Variants in EPHA6 observed in about 807,000 individuals in gnomAD.
EPHA6 encodes ephrin type-A receptor 6.
In EPHA6, 50 loss-of-function variants were observed where a neutral mutation model predicts 112.0. The observed-to-expected ratio is 0.45, with a 90% confidence interval of 0.36 to 0.56. The LOEUF (loss-of-function observed/expected upper bound fraction) is 0.56. Ranked by LOEUF, EPHA6 falls within the 20% of genes least tolerant of loss-of-function variation. The probability of loss-of-function intolerance (pLI) is 0.00; values close to 1 mark genes in which losing one functional copy is unlikely to be tolerated. For missense variants in EPHA6, 1,280 were observed against 1,417.4 expected (o/e 0.90, Z 1.56); for synonymous variants, 529 against 490.7 (o/e 1.08, Z -1.03).
chr3:97,169,589 A>G (rs985214776), intron 3 of EPHA6, among the ~76,000 whole-genome samples: 11 of 151,996 alleles, frequency 7.2e-5, no homozygotes, highest in African/African-American at 2.4e-4. Context: ...TCATTTTCTG[A>G]TATGTCTTCC....
intron 5 of EPHA6, among the ~76,000 whole-genome samples, chr3:97,386,760 C>T (rs184676972): frequency 6.6e-6 from 1 of 152,328 alleles, no homozygotes; most frequent in African/African-American, 2.4e-5. Context: ...CCAACATTTG[C>T]CCTTTGCACT....
chr3:97,007,865 T>C (rs1468948202), intron 3 of EPHA6, among the ~76,000 whole-genome samples: 1 of 152,180 alleles, frequency 6.6e-6, no homozygotes, highest in Non-Finnish European at 1.5e-5. Flanking sequence ...CTTAAGAAAC[T>C]TAGTTTGGCT....
intron 3 of EPHA6, among the ~76,000 whole-genome samples, chr3:97,114,988 T>A (rs771829262): frequency 6.6e-6 from 1 of 151,970 alleles, no homozygotes; most frequent in Non-Finnish European, 1.5e-5. Flanking sequence ...AGATCCTAGA[T>A]AGACAAGCCT....
intron 15 of EPHA6, among the ~76,000 whole-genome samples, chr3:97,726,356 A>G (rs2034767442): frequency 6.6e-6 from 1 of 152,144 alleles, no homozygotes; most frequent in Non-Finnish European, 1.5e-5. Context: ...TTAATTATGC[A>G]TGCTCCTCTA....
At chr3:96,823,054 GAT>G (rs1279295149) in intron 1 of EPHA6, among the ~76,000 whole-genome samples, 2 of 151,614 alleles carry the variant, frequency 1.3e-5, no homozygotes, top group Non-Finnish European at 3.0e-5. Context: ...AAGAAAAATT[GAT>G]ATGATTGCCC....
At chr3:97,214,683 T>C (rs767473018) in intron 3 of EPHA6, among the ~76,000 whole-genome samples, 1 of 152,112 alleles carries the variant, frequency 6.6e-6, no homozygotes, top group Non-Finnish European at 1.5e-5. Context: ...TCAAAACATA[T>C]TTCAGAAATG....
intron 14 of EPHA6, among the ~76,000 whole-genome samples, chr3:97,672,890 T>C (rs2030990980): frequency 6.6e-6 from 1 of 152,226 alleles, no homozygotes; most frequent in Admixed American, 6.5e-5. Context: ...GTTTTTCATA[T>C]TGAAATCTCA....
chr3:97,397,366 A>G (rs1331710024), intron 5 of EPHA6, among the ~76,000 whole-genome samples: 1 of 151,798 alleles, frequency 6.6e-6, no homozygotes, highest in East Asian at 1.9e-4. Context: ...TGTTACCACC[A>G]TATGTCAGAA....
intron 15 of EPHA6, among the ~76,000 whole-genome samples, chr3:97,729,895 G>GT (rs2034958804): frequency 6.6e-6 from 1 of 151,826 alleles, no homozygotes; most frequent in Admixed American, 6.6e-5. Flanking sequence ...GAAATTATAG[G>GT]TTTTCCACAA....
In EPHA6 at chr3:96,987,953, C is replaced by T; in HGVS notation, c.1074C>T (p.Ile358=). 6.2e-7 allele frequency: 1 copy of T among 1,612,964 alleles called. No homozygotes were observed. Among genetic ancestry groups the T allele is most frequent in the East Asian group, 2.2e-5 (1 of 44,846 alleles). Residue 358 remains isoleucine (I), a synonymous_variant, in exon 3 of 18, where the codon ATC becomes ATT. Transcript: ENST00000389672. ...GGCTGGTTCCTCTTGGAAGGTGCATCTGCAGTACAGGATATGAAGAAATTG... is the reference window on the plus strand; with the variant it reads ...GGCTGGTTCCTCTTGGAAGGTGCATTTGCAGTACAGGATATGAAGAAATTG... ...GDWLVPLGRC[I]CSTGYEEIEG...
intron 3 of EPHA6, among the ~76,000 whole-genome samples, chr3:97,014,721 A>G (rs1291445248): frequency 6.6e-6 from 1 of 152,192 alleles, no homozygotes; most frequent in Non-Finnish European, 1.5e-5. Flanking sequence ...TGCACGTGGA[A>G]TGTTTCTTTA....
At chr3:96,947,693 G>T (rs990653754) in intron 2 of EPHA6, among the ~76,000 whole-genome samples, 2 of 152,152 alleles carry the variant, frequency 1.3e-5, no homozygotes, top group Admixed American at 1.3e-4. Context: ...ACTTACAAGG[G>T]ATGTGAAGGA....
At chr3:97,499,667 A>C (rs1391559967) in intron 10 of EPHA6, among the ~76,000 whole-genome samples, 1 of 152,196 alleles carries the variant, frequency 6.6e-6, no homozygotes, top group African/African-American at 2.4e-5. Context: ...ATTGTAACAC[A>C]ATGGCAAGTA....
At chr3:97,280,588 A>G (rs1189360590) in intron 5 of EPHA6, among the ~76,000 whole-genome samples, 1 of 151,974 alleles carries the variant, frequency 6.6e-6, no homozygotes, top group East Asian at 1.9e-4. Context: ...GATTATCTCT[A>G]TGGTCTCTTC....
chr3:96,993,924 A>G (rs1320281258), intron 3 of EPHA6, among the ~76,000 whole-genome samples: 1 of 152,212 alleles, frequency 6.6e-6, no homozygotes, highest in Non-Finnish European at 1.5e-5. Context: ...AAAATAGAAT[A>G]AATCTGTATC....
intron 3 of EPHA6, among the ~76,000 whole-genome samples, chr3:97,027,244 C>T (rs537624777): frequency 2.0e-5 from 3 of 152,200 alleles, no homozygotes; most frequent in South Asian, 2.1e-4. Flanking sequence ...ATTATGAGAA[C>T]ACATGGGCAC....
intron 2 of EPHA6, among the ~76,000 whole-genome samples, chr3:96,948,340 C>T (rs1423463365): frequency 2.6e-5 from 4 of 152,122 alleles, no homozygotes; most frequent in Admixed American, 2.0e-4. Context: ...GTGATTCCTC[C>T]ACCCATATTC....
chr3:97,662,025 T>G (rs1428215550), intron 14 of EPHA6, among the ~76,000 whole-genome samples: 2 of 152,166 alleles, frequency 1.3e-5, no homozygotes, highest in East Asian at 3.9e-4. Context: ...TGTATGATTT[T>G]GGCCACCAAC....
rs560812136 is a variant in EPHA6 at position 97,658,494 on chromosome 3, T to C, written c.2784+20412T>C. 1.8e-3 allele frequency among the ~76,000 whole-genome samples: 272 copies of C among 152,056 alleles called. 3 individuals are homozygous for C. Among genetic ancestry groups the C allele is most frequent in the Non-Finnish European group, 2.8e-3 (193 of 67,864 alleles). On this transcript the variant is annotated intron_variant, in intron 14 of 17. Coordinates refer to ENST00000389672, the MANE Select transcript of EPHA6 (RefSeq NM_001080448.3). ...CATTCAGTTGCCTCAGGTGCTTAAT[T>C]TTATCTCAGAGTCTTAAAACAATTA...
Sources: allele counts gnomAD v4.1 joint callset (sites outside exome capture counted in the v4.1 genomes callset), GRCh38; gene constraint gnomAD v4.1.1; transcripts MANE v1.5; gene names NCBI Gene and HGNC (gene_info 2026-07-23, HGNC 2026-07-21).